ANKFN1: variants seen among roughly 807,000 people sequenced by gnomAD.
ANKFN1 encodes the protein ankyrin repeat and fibronectin type-III domain-containing protein 1.
ANKFN1 carries 74 observed loss-of-function variants against 108.7 expected under a neutral mutation model. The ratio of observed to expected loss-of-function variants is 0.68; its 90% confidence interval spans 0.56 to 0.83. ANKFN1 has a LOEUF of 0.83. Ranked by LOEUF, ANKFN1 falls within the 40% of genes least tolerant of loss-of-function variation. ANKFN1 has a pLI of 0.00. For missense variants in ANKFN1, 1,505 were observed against 1,382.3 expected, an observed-to-expected ratio of 1.09 and a Z score of -1.41; for synonymous variants, 547 against 516.2, an observed-to-expected ratio of 1.06 and a Z score of -0.81.
chr17:56,254,553 A>G (rs1485790606), intron 3 of ANKFN1, among the ~76,000 whole-genome samples: 2 of 152,172 alleles, frequency 1.3e-5, no homozygotes, highest in Non-Finnish European at 2.9e-5. Context: ...TGGCATTTCC[A>G]GCAGTCTAAT....
intron 4 of ANKFN1, among the ~76,000 whole-genome samples, chr17:56,099,749 A>G (rs1423002491): frequency 2.0e-5 from 3 of 152,234 alleles, no homozygotes; most frequent in African/African-American, 7.2e-5. Context: ...AGAGAGACAG[A>G]AGATAATTCT....
At chr17:56,110,349 C>T (rs1905892351) in intron 4 of ANKFN1, among the ~76,000 whole-genome samples, 1 of 152,174 alleles carries the variant, frequency 6.6e-6, no homozygotes, top group Non-Finnish European at 1.5e-5. Flanking sequence ...GCACTCCTGA[C>T]TTCTCAGGCT....
chr17:56,484,075 A>G (rs1042592270), intron 18 of ANKFN1, among the ~76,000 whole-genome samples: 1 of 152,248 alleles, frequency 6.6e-6, no homozygotes, highest in Non-Finnish European at 1.5e-5. Flanking sequence ...GTTAATAAAC[A>G]TAAATAAAAA....
intron 2 of ANKFN1, among the ~76,000 whole-genome samples, chr17:56,227,182 C>T (rs1251605791): frequency 6.6e-6 from 1 of 152,062 alleles, no homozygotes; most frequent in Non-Finnish European, 1.5e-5. Context: ...AAACCTACTA[C>T]ACTAAAAAGT....
At chr17:56,402,279 T>A (rs908764390) in intron 8 of ANKFN1, among the ~76,000 whole-genome samples, 2 of 152,192 alleles carry the variant, frequency 1.3e-5, no homozygotes, top group East Asian at 3.8e-4. Context: ...TACCAATTCT[T>A]TGAATGTCTG....
At chr17:56,153,098 C>T (rs1908765141), upstream of ANKFN1, among the ~76,000 whole-genome samples, 1 of 152,128 alleles carries the variant, frequency 6.6e-6, no homozygotes, top group South Asian at 2.1e-4. Context: ...AACCTTTCCT[C>T]TCTCAGTCTC....
intron 1 of ANKFN1, among the ~76,000 whole-genome samples, chr17:56,198,014 G>C (rs2143736285): frequency 6.6e-6 from 1 of 152,240 alleles, no homozygotes; most frequent in Non-Finnish European, 1.5e-5. Flanking sequence ...TCTCAGAAAA[G>C]ACAAAACAAC....
At chr17:56,420,618 A>G (rs2145050793) in intron 8 of ANKFN1, among the ~76,000 whole-genome samples, 1 of 151,816 alleles carries the variant, frequency 6.6e-6, no homozygotes, top group South Asian at 2.1e-4. Flanking sequence ...ATGTGTGCTG[A>G]AAAATAAAAG....
intron 20 of ANKFN1, among the ~76,000 whole-genome samples, chr17:56,500,264 C>G (rs559785546): frequency 6.6e-6 from 1 of 152,208 alleles, no homozygotes; most frequent in South Asian, 2.1e-4. Flanking sequence ...GGAATCTGAG[C>G]CTTTTCTATG....
At chr17:56,401,118 G>T (rs983081733) in intron 8 of ANKFN1, among the ~76,000 whole-genome samples, 6 of 152,048 alleles carry the variant, frequency 3.9e-5, no homozygotes, top group Non-Finnish European at 5.9e-5. Flanking sequence ...TTCTAATTCT[G>T]TGAAGAATGA....
At chr17:56,226,048 G>C (rs1393092140) in intron 2 of ANKFN1, among the ~76,000 whole-genome samples, 1 of 152,146 alleles carries the variant, frequency 6.6e-6, no homozygotes, top group Non-Finnish European at 1.5e-5. Flanking sequence ...CTAGCAACAG[G>C]TTCTTCAAAG....
Position 56,466,364 on chromosome 17 carries a change from TG to T in ANKFN1, c.1569del (p.Thr524HisfsTer21). On this transcript the variant is annotated frameshift_variant, in exon 15 of 21. Transcript: ENST00000682825. LOFTEE classifies it high-confidence loss of function. ...AATAQLQNLLGTHNLGRVYYE... is the reference protein window; with the variant it reads ...AATAQLQNLLXTHNLGRVYYE... ...AATCCATTTGTTTCCAGAATTTACT[TG>T]GGACACACAACTTGGGAAGAGTTTA... 6.2e-7 allele frequency: 1 copy of T among 1,614,150 alleles called. No individual in the cohort carries two copies. Among genetic ancestry groups the T allele is most frequent in the Non-Finnish European group, 8.5e-7 (1 of 1,179,980 alleles).
At chr17:56,203,021 A>G (rs1914193874) in intron 1 of ANKFN1, among the ~76,000 whole-genome samples, 1 of 152,172 alleles carries the variant, frequency 6.6e-6, no homozygotes, top group Non-Finnish European at 1.5e-5. Context: ...TGTGGTATCT[A>G]AACTTTCTGT....
At chr17:56,077,925 A>T (rs1014469772) in intron 4 of ANKFN1, among the ~76,000 whole-genome samples, 1 of 151,326 alleles carries the variant, frequency 6.6e-6, no homozygotes, top group African/African-American at 2.4e-5. Flanking sequence ...TCTCATAACC[A>T]CTCTTAAGAA....
chr17:56,184,004 G>A (rs1234655547), intron 1 of ANKFN1, among the ~76,000 whole-genome samples: 1 of 152,168 alleles, frequency 6.6e-6, no homozygotes, highest in Non-Finnish European at 1.5e-5. Flanking sequence ...TCTTGCCATG[G>A]GATCCACTCT....
intron 8 of ANKFN1, among the ~76,000 whole-genome samples, chr17:56,383,877 A>C (rs994802430): frequency 4.6e-5 from 7 of 152,256 alleles, no homozygotes; most frequent in Admixed American, 6.5e-5. Flanking sequence ...AGATGGATTC[A>C]CAGCCAAATT....
chr17:56,150,398 G>A (rs559416685), upstream of ANKFN1, among the ~76,000 whole-genome samples: 9 of 152,200 alleles, frequency 5.9e-5, no homozygotes, highest in South Asian at 6.2e-4. Flanking sequence ...CCCTTTAGAC[G>A]TAGCATTCGG....
At chr17:56,421,083 G>C (rs1184039665) in intron 8 of ANKFN1, among the ~76,000 whole-genome samples, 2 of 152,178 alleles carry the variant, frequency 1.3e-5, no homozygotes, top group African/African-American at 2.4e-5. Flanking sequence ...AAATGAAAAT[G>C]GTCTCAGGGC....
chr17:56,089,334 G>A (rs918655084), intron 4 of ANKFN1, among the ~76,000 whole-genome samples: 3 of 151,196 alleles, frequency 2.0e-5, no homozygotes, highest in Non-Finnish European at 4.4e-5. Flanking sequence ...ATTGCATAAG[G>A]TTTTACTACC....
Sources: allele counts gnomAD v4.1 joint callset (sites outside exome capture counted in the v4.1 genomes callset), GRCh38; gene constraint gnomAD v4.1.1; transcripts MANE v1.5; gene names NCBI Gene and HGNC (gene_info 2026-07-23, HGNC 2026-07-21).